CLEC16A: variants seen among roughly 807,000 people sequenced by gnomAD.
CLEC16A encodes C-type lectin domain containing 16A.
In CLEC16A, 51 loss-of-function variants were observed where a neutral mutation model predicts 109.5. The observed-to-expected ratio is 0.47, with a 90% confidence interval of 0.37 to 0.59. The LOEUF (loss-of-function observed/expected upper bound fraction) is 0.59. Ranked by LOEUF, CLEC16A falls within the 20% of genes least tolerant of loss-of-function variation. The pLI is 0.00. For synonymous variants in CLEC16A, 673 were observed against 564.2 expected (o/e 1.19, Z -2.73); for missense variants, 1,339 against 1,394.0 (o/e 0.96, Z 0.63).
chr16:11,177,831 T>C (rs1160042733), intron 23 of CLEC16A, among the ~76,000 whole-genome samples: 1 of 149,900 alleles, frequency 6.7e-6, no homozygotes, highest in African/African-American at 2.5e-5. Flanking sequence ...TTTTGCAAGC[T>C]GAAAAGTTCT....
intron 20 of CLEC16A, 48 bp from the exon 21 acceptor site, chr16:11,123,694 T>G (rs777556284): frequency 6.3e-7 from 1 of 1,586,630 alleles, no homozygotes; most frequent in Non-Finnish European, 8.7e-7. Context: ...CTAGCCACCC[T>G]CCTCCCAAAC....
chr16:11,013,030 T>C (rs757384489), intron 11 of CLEC16A, among the ~76,000 whole-genome samples: 1 of 152,092 alleles, frequency 6.6e-6, no homozygotes, highest in Non-Finnish European at 1.5e-5. Flanking sequence ...CCACACTCAC[T>C]CAGACTGCGC....
intron 19 of CLEC16A, among the ~76,000 whole-genome samples, chr16:11,103,565 A>G (rs989187873): frequency 2.0e-5 from 3 of 152,130 alleles, no homozygotes; most frequent in Non-Finnish European, 4.4e-5. Context: ...GGGCAACACA[A>G]CAAAACTCCG....
intron 19 of CLEC16A, among the ~76,000 whole-genome samples, chr16:11,093,070 T>G (rs562728834): frequency 3.9e-5 from 6 of 152,292 alleles, no homozygotes; most frequent in African/African-American, 1.2e-4. Flanking sequence ...GATCTCCTCC[T>G]CCTGTACCCC....
chr16:11,044,295 A>T (rs1043225455), intron 16 of CLEC16A: 2 of 373,764 alleles, frequency 5.4e-6, no homozygotes, highest in African/African-American at 4.1e-5. Context: ...CAGCCCCAGT[A>T]TATGATAATT....
chr16:10,994,604 T>C (rs1360847156), intron 10 of CLEC16A, among the ~76,000 whole-genome samples: 2 of 152,138 alleles, frequency 1.3e-5, no homozygotes, highest in Non-Finnish European at 2.9e-5. Flanking sequence ...CATGGGAGGC[T>C]GAGGCTGGAG....
At chr16:10,968,106 G>A (rs1337259347) in intron 3 of CLEC16A, among the ~76,000 whole-genome samples, 1 of 152,222 alleles carries the variant, frequency 6.6e-6, no homozygotes, top group Non-Finnish European at 1.5e-5. Flanking sequence ...AGGTGAGCTG[G>A]TGCAGCACTC....
intron 19 of CLEC16A, among the ~76,000 whole-genome samples, chr16:11,093,634 C>G (rs1163792513): frequency 1.3e-5 from 2 of 152,154 alleles, no homozygotes; most frequent in East Asian, 3.9e-4. Flanking sequence ...TAAATATCAG[C>G]CAGGCGCCGA....
chr16:11,160,909 C>G (rs867767963), intron 22 of CLEC16A, among the ~76,000 whole-genome samples: 3 of 152,158 alleles, frequency 2.0e-5, no homozygotes, highest in African/African-American at 7.2e-5. Flanking sequence ...AGGATATACC[C>G]CCTTTCCTTT....
intron 13 of CLEC16A, among the ~76,000 whole-genome samples, chr16:11,028,105 C>T (rs555100079): frequency 1.3e-3 from 205 of 152,320 alleles, no homozygotes; most frequent in African/African-American, 4.7e-3. Context: ...GAGGCTGAGG[C>T]AGGAGAATCG....
At chr16:10,989,905 A>T (rs868570466) in intron 10 of CLEC16A, among the ~76,000 whole-genome samples, 3 of 152,114 alleles carry the variant, frequency 2.0e-5, no homozygotes, top group Admixed American at 2.0e-4. Flanking sequence ...CTTGTATCCG[A>T]TGTCAGCCGA....
At chr16:11,170,034 C>T (rs574934070) in intron 23 of CLEC16A, among the ~76,000 whole-genome samples, 12 of 152,296 alleles carry the variant, frequency 7.9e-5, no homozygotes, top group Non-Finnish European at 1.5e-4. Flanking sequence ...GCAGAGGAGC[C>T]AGGATCTGAA....
intron 22 of CLEC16A, among the ~76,000 whole-genome samples, chr16:11,159,619 C>A (rs1754152538): frequency 6.6e-6 from 1 of 152,242 alleles, no homozygotes. Flanking sequence ...TGCAGTCAGG[C>A]AGTTGTGTCT....
At chr16:10,969,023 T>A in intron 3 of CLEC16A, 138 bp from the exon 4 acceptor site, 1 of 633,248 alleles carries the variant, frequency 1.6e-6, no homozygotes, top group Non-Finnish European at 2.6e-6. Flanking sequence ...AAAGTTAAGC[T>A]CTTCCCAGTT....
intron 11 of CLEC16A, among the ~76,000 whole-genome samples, chr16:11,007,842 G>A (rs895960911): frequency 2.0e-5 from 3 of 151,944 alleles, no homozygotes; most frequent in Admixed American, 2.0e-4. Context: ...GGGAAGAGAG[G>A]GAGAAGAAGG....
At position 11,126,158 on chromosome 16, in the gene CLEC16A, C is replaced by G; in HGVS notation, c.2641+12C>G. The G allele has an allele frequency of 6.2e-7, 1 of 1,613,676 alleles. No homozygotes were observed. Among genetic ancestry groups the G allele is most frequent in the East Asian group, 2.2e-5 (1 of 44,850 alleles). On this transcript the variant is annotated intron_variant, in intron 22 of 23. Transcript: ENST00000409790. ...GGACAAGGTGCCAGGTGAGCCAGCC[C>G]CCCGCCCTGCGCCACAGCTCGTTCA...
chr16:11,029,907 G>A lies in CLEC16A; in HGVS notation c.1537+4986G>A, dbSNP rs947612932. On this transcript the variant is annotated intron_variant, in intron 13 of 23. Transcript: ENST00000409790. Reference sequence around the variant, plus strand: ...TTGCTTCCCACACCCCTCTCCCCAAGTAACACCAGTCTGCTTCCTGTCATG... The same window carrying A: ...TTGCTTCCCACACCCCTCTCCCCAAATAACACCAGTCTGCTTCCTGTCATG... Among the ~76,000 whole-genome samples, 3 of 152,026 alleles carry A rather than the reference G, an allele frequency of 2.0e-5. No individual in the cohort carries two copies. In the East Asian group the frequency reaches 5.8e-4, roughly 29 times the overall value.
At chr16:10,952,389 G>A (rs1232515823) in intron 1 of CLEC16A, among the ~76,000 whole-genome samples, 2 of 152,182 alleles carry the variant, frequency 1.3e-5, no homozygotes, top group Admixed American at 6.5e-5. Flanking sequence ...AGCTACCTGG[G>A]AATCTGAGGT....
At chr16:10,967,701 C>T (rs564773174) in intron 3 of CLEC16A, among the ~76,000 whole-genome samples, 1 of 152,352 alleles carries the variant, frequency 6.6e-6, no homozygotes, top group South Asian at 2.1e-4. Context: ...TCTCCATTAA[C>T]TCTTACCACT....
Sources: gnomAD v4.1 joint callset for allele counts (sites outside exome capture counted in the v4.1 genomes callset) on GRCh38, gnomAD v4.1.1 for gene constraint, MANE v1.5 for transcripts, NCBI Gene and HGNC (gene_info 2026-07-23, HGNC 2026-07-21) for gene names.